ANK2: variants seen among roughly 807,000 people sequenced by gnomAD.
ANK2 encodes the protein ankyrin 2.
ANK2 carries 83 observed loss-of-function variants against 360.5 expected under a neutral mutation model. That is an observed-to-expected ratio of 0.23 (90% CI 0.19 to 0.28). ANK2 has a LOEUF of 0.28. Ranked by LOEUF, ANK2 falls within the 10% of genes least tolerant of loss-of-function variation. ANK2 has a pLI of 1.00. For missense variants in ANK2, 4,201 were observed against 4,795.7 expected (o/e 0.88, Z 3.66); for synonymous variants, 1,740 against 1,759.5 (o/e 0.99, Z 0.28).
chr4:113,296,983 C>T (rs1456628192), intron 22 of ANK2, among the ~76,000 whole-genome samples: 6 of 152,070 alleles, frequency 3.9e-5, no homozygotes, highest in African/African-American at 1.4e-4. Flanking sequence ...TATATTATTA[C>T]TTGAACATTA....
At chr4:113,116,889 T>C (rs1003298215) in intron 1 of ANK2, 6 of 213,908 alleles carry the variant, frequency 2.8e-5, no homozygotes, top group African/African-American at 9.2e-5. Flanking sequence ...ACTGTTCCAA[T>C]TGGTGATGTG....
chr4:113,001,996 C>T lies in ANK2; in HGVS notation c.21+97482C>T, dbSNP rs58305575. Among the ~76,000 whole-genome samples the T allele has an allele frequency of 7.1e-3, 1,054 of 147,442 alleles. 12 individuals are homozygous for T. Among genetic ancestry groups the T allele is most frequent in the African/African-American group, 0.024 (981 of 40,102 alleles). Reference sequence around the variant, plus strand: ...TTCCACCTCCTAAGCATTGCTCATCCGTTTCTTTTATTTATTTATTTATTT... The same window carrying T: ...TTCCACCTCCTAAGCATTGCTCATCTGTTTCTTTTATTTATTTATTTATTT... On this transcript the variant is annotated intron_variant, in intron 2 of 30. Coordinates refer to the ANK2 transcript ENST00000503271.
At chr4:113,252,878 A>G (rs1448576019) in intron 10 of ANK2, among the ~76,000 whole-genome samples, 1 of 152,210 alleles carries the variant, frequency 6.6e-6, no homozygotes, top group African/African-American at 2.4e-5. Context: ...TAGATTCATG[A>G]TCACTAACCT....
chr4:112,961,050 C>T (rs185988365), intron 2 of ANK2, among the ~76,000 whole-genome samples: 7 of 149,846 alleles, frequency 4.7e-5, no homozygotes, highest in Admixed American at 4.7e-4. Context: ...TGTAAACTAT[C>T]TAAATAACTG....
chr4:112,994,149 A>G (rs2047761728), intron 2 of ANK2, among the ~76,000 whole-genome samples: 1 of 152,242 alleles, frequency 6.6e-6, no homozygotes, highest in Admixed American at 6.5e-5. Flanking sequence ...ATAAAAGCAG[A>G]TATTAATCCC....
At chr4:113,005,108 A>G (rs2052334932) in intron 2 of ANK2, among the ~76,000 whole-genome samples, 1 of 152,226 alleles carries the variant, frequency 6.6e-6, no homozygotes, top group African/African-American at 2.4e-5. Flanking sequence ...TTTAAGAAAT[A>G]AGAAATCAGG....
the ANK2 span, among the ~76,000 whole-genome samples, chr4:112,710,697 C>CA: frequency 3.6e-3 from 459 of 126,256 alleles, 3 homozygotes; most frequent in East Asian, 6.6e-3. Flanking sequence ...GACTCCATCT[C>CA]AAAAAAAAAA....
At chr4:112,975,382 A>G (rs2041032051) in intron 2 of ANK2, among the ~76,000 whole-genome samples, 1 of 152,228 alleles carries the variant, frequency 6.6e-6, no homozygotes, top group African/African-American at 2.4e-5. Context: ...GTACTTTCAG[A>G]TTATCAAGTA....
rs770517954 is a variant in ANK2, at chr4:113,357,983, G to C, written c.9365G>C (p.Arg3122Thr). The C allele has an allele frequency of 6.2e-7, 1 of 1,614,032 alleles. No homozygotes were observed. The highest frequency in any genetic ancestry group is 1.7e-5 in the Admixed American group (1 of 60,012). ...TRSGAIDMTK[R>T]SYADESFHFF... ...AGTGGTGCCATTGATATGACCAAAA[G>C]GTCCTATGCAGATGAAAGTTTTCAC... is the stretch of plus-strand genomic sequence containing the variant. The change falls in exon 38 of 46, where the codon AGG becomes ACG. Residue 3122 changes from arginine (R) to threonine (T), a missense_variant. Arg to Thr is a moderately conservative substitution (Grantham distance 71). This residue lies in a region of ANK2 where 2,642 missense variants were observed against 2,714.5 expected (regional missense o/e 0.97). Coordinates refer to ENST00000357077, the MANE Select transcript of ANK2 (RefSeq NM_001148.6).
intron 1 of ANK2, among the ~76,000 whole-genome samples, chr4:113,121,389 T>C (rs1037766128): frequency 6.6e-6 from 1 of 151,970 alleles, no homozygotes; most frequent in African/African-American, 2.4e-5. Context: ...ATTCCACCAA[T>C]GCTTCAATTT....
the ANK2 span, among the ~76,000 whole-genome samples, chr4:112,783,556 G>A: frequency 6.6e-6 from 1 of 151,792 alleles, no homozygotes; most frequent in African/African-American, 2.4e-5. Flanking sequence ...TTTCTTGATA[G>A]CATACTATTG....
At chr4:112,746,000 G>A in the ANK2 span, among the ~76,000 whole-genome samples, 1 of 151,126 alleles carries the variant, frequency 6.6e-6, no homozygotes, top group Non-Finnish European at 1.5e-5. Context: ...TGTTGTTATT[G>A]TTGTTTTTTT....
intron 14 of ANK2, among the ~76,000 whole-genome samples, chr4:113,272,606 A>T (rs1009541853): frequency 6.6e-6 from 1 of 152,178 alleles, no homozygotes; most frequent in Non-Finnish European, 1.5e-5. Flanking sequence ...AGTAGGCAAG[A>T]CATCCTATTT....
chr4:113,299,382 A>C (rs2073703171), intron 22 of ANK2, among the ~76,000 whole-genome samples: 1 of 152,246 alleles, frequency 6.6e-6, no homozygotes, highest in Admixed American at 6.5e-5. Flanking sequence ...TATAGTAGAC[A>C]TCCTTTCACA....
At chr4:113,148,092 G>A (rs11942983) in intron 1 of ANK2, among the ~76,000 whole-genome samples, 1,865 of 152,274 alleles carry the variant, frequency 0.012, 56 homozygotes, top group African/African-American at 0.043. Context: ...AGTCAGCAAG[G>A]CCTTGTTAGG....
chr4:112,823,803 T>C (rs1342009597), intron 1 of ANK2, among the ~76,000 whole-genome samples: 2 of 152,228 alleles, frequency 1.3e-5, no homozygotes, highest in Admixed American at 6.5e-5. Flanking sequence ...AGCCCATCCA[T>C]CTAAATGTCC....
At chr4:112,874,798 G>C (rs1360787374) in intron 1 of ANK2, among the ~76,000 whole-genome samples, 1 of 152,106 alleles carries the variant, frequency 6.6e-6, no homozygotes, top group African/African-American at 2.4e-5. Flanking sequence ...TCTGTAATCA[G>C]TGGGAAATCA....
intron 1 of ANK2, among the ~76,000 whole-genome samples, chr4:113,135,699 C>A (rs1397861945): frequency 6.6e-6 from 1 of 152,130 alleles, no homozygotes; most frequent in Non-Finnish European, 1.5e-5. Context: ...CTTACTCTTA[C>A]CTCATGAACC....
At chr4:112,771,118 T>C in the ANK2 span, among the ~76,000 whole-genome samples, 1 of 152,190 alleles carries the variant, frequency 6.6e-6, no homozygotes, top group African/African-American at 2.4e-5. Context: ...ATTTATTTAT[T>C]ATTTTTTTTT....
Sources: allele counts gnomAD v4.1 joint callset (sites outside exome capture counted in the v4.1 genomes callset), GRCh38; gene constraint gnomAD v4.1.1; regional missense constraint gnomAD v4.1.1; transcripts MANE v1.5; gene names NCBI Gene and HGNC (gene_info 2026-07-23, HGNC 2026-07-21).